LGR6: variants seen among roughly 807,000 people sequenced by gnomAD.
LGR6 encodes leucine-rich repeat-containing G protein-coupled receptor 6.
A neutral mutation model predicts 69.4 loss-of-function variants in LGR6; 45 were observed. That is an observed-to-expected ratio of 0.65 (90% CI 0.51 to 0.83). The LOEUF is 0.83. Ranked by LOEUF, LGR6 falls within the 40% of genes least tolerant of loss-of-function variation. The probability of loss-of-function intolerance (pLI) is 0.00; values close to 1 mark genes in which losing one functional copy is unlikely to be tolerated. For synonymous variants in LGR6, 538 were observed against 555.0 expected, an observed-to-expected ratio of 0.97 and a Z score of 0.43; for missense variants, 1,108 against 1,246.7, an observed-to-expected ratio of 0.89 and a Z score of 1.68.
In LGR6 at chr1:202,193,934, ATCGCGCCGTGCGT is replaced by A. The variant is rs1239514257; in HGVS notation, c.-55_-43del. ...GGACCGGGAGGAAGCAGCTGCGGCC[ATCGCGCCGTGCGT>A]CCGCGCCCGGCCGCCAGGTGCCCCA... is the stretch of plus-strand genomic sequence containing the variant. On this transcript the variant is annotated 5_prime_UTR_variant, in exon 1 of 18. Coordinates refer to ENST00000367278, the MANE Select transcript of LGR6 (RefSeq NM_001017403.2). The A allele has an allele frequency of 2.4e-5, 27 of 1,141,396 alleles. No homozygotes were observed. The African/African-American group carries it at 4.0e-4, about 17-fold the overall frequency. The allele number at this position is 1,141,396 out of a possible 1,614,324, so 70.7% of individuals were successfully genotyped here.
Position 202,318,875 on chromosome 1 carries a change from G to A in LGR6, c.2572G>A (p.Glu858Lys), listed in dbSNP as rs748942858. 1.9e-6 allele frequency: 3 copies of A among 1,613,972 alleles called. No individual in the cohort carries two copies. In the East Asian group the frequency reaches 6.7e-5, roughly 36 times the overall value. The change falls in exon 18 of 18, where the codon GAG (glutamate) becomes AAG (lysine). Residue 858 changes from glutamate (E) to lysine (K), a missense_variant. Transcript: ENST00000367278. The stretch of plus-strand genomic sequence containing the variant: ...GCCCCTAGCCTATGCTGCGGCCGGG[G>A]AGCTGGAGAAGAGCTCCTGTGATTC... ...SGPLAYAAAG[E>K]LEKSSCDSTQ...
intron 4 of LGR6, among the ~76,000 whole-genome samples, chr1:202,255,705 C>A (rs1355205149): frequency 1.3e-5 from 2 of 152,142 alleles, no homozygotes; most frequent in Non-Finnish European, 2.9e-5. Context: ...CACCCAGACA[C>A]AATGCTTGTT....
At chr1:202,293,649 A>G (rs772785303) in intron 6 of LGR6, among the ~76,000 whole-genome samples, 1 of 152,212 alleles carries the variant, frequency 6.6e-6, no homozygotes, top group Non-Finnish European at 1.5e-5. Flanking sequence ...CTGGACAATT[A>G]GAGCCACAGA....
At chr1:202,300,435 C>T (rs1667496810) in intron 7 of LGR6, among the ~76,000 whole-genome samples, 1 of 152,176 alleles carries the variant, frequency 6.6e-6, no homozygotes, top group South Asian at 2.1e-4. Context: ...AGGAGGATCA[C>T]TTTAGCCCAG....
chr1:202,270,120 T>G (rs1461549329), intron 4 of LGR6, among the ~76,000 whole-genome samples: 3 of 152,220 alleles, frequency 2.0e-5, no homozygotes, highest in Non-Finnish European at 2.9e-5. Context: ...GAGATATGCT[T>G]CTTGCATATC....
At chr1:202,265,611 G>A (rs569961420) in intron 4 of LGR6, among the ~76,000 whole-genome samples, 8 of 152,266 alleles carry the variant, frequency 5.3e-5, no homozygotes, top group South Asian at 2.1e-4. Context: ...AAAGAACACC[G>A]GACTCAAAAC....
At chr1:202,220,552 T>C (rs1041727638) in intron 1 of LGR6, among the ~76,000 whole-genome samples, 1 of 152,222 alleles carries the variant, frequency 6.6e-6, no homozygotes, top group African/African-American at 2.4e-5. Context: ...GCTAGTGTCA[T>C]TATTTCAATA....
chr1:202,220,176 G>A (rs1334534815), intron 1 of LGR6, among the ~76,000 whole-genome samples: 5 of 151,808 alleles, frequency 3.3e-5, no homozygotes, highest in African/African-American at 4.8e-5. Flanking sequence ...CACCGCGCCC[G>A]GCCAGCACTG....
chr1:202,316,343 C>A (rs530787659), intron 17 of LGR6, among the ~76,000 whole-genome samples: 118 of 152,266 alleles, frequency 7.7e-4, no homozygotes, highest in African/African-American at 2.7e-3. Flanking sequence ...AGAAGCCAGA[C>A]TCCCTTTAAC....
intron 4 of LGR6, among the ~76,000 whole-genome samples, chr1:202,270,603 G>T (rs537880384): frequency 1.1e-3 from 164 of 152,280 alleles, no homozygotes; most frequent in Non-Finnish European, 1.8e-3. Flanking sequence ...TATCTCTGTG[G>T]GCTTCAGGCT....
chr1:202,249,983 C>T (rs1663092865), intron 4 of LGR6, among the ~76,000 whole-genome samples: 1 of 152,234 alleles, frequency 6.6e-6, no homozygotes. Context: ...AGCCCAAACT[C>T]CTTGGCTAAT....
intron 6 of LGR6, among the ~76,000 whole-genome samples, chr1:202,288,079 AC>A (rs1035745580): frequency 1.3e-5 from 2 of 151,292 alleles, no homozygotes; most frequent in Admixed American, 6.6e-5. Context: ...CTCTGGTGTC[AC>A]CCCCTCCTCA....
chr1:202,226,318 G>A (rs557606107), intron 2 of LGR6, among the ~76,000 whole-genome samples: 1 of 152,142 alleles, frequency 6.6e-6, no homozygotes. Context: ...TGCGGCTCTA[G>A]AAATTTTGCT....
chr1:202,299,994 A>C (rs193097834), intron 7 of LGR6, among the ~76,000 whole-genome samples: 2 of 152,120 alleles, frequency 1.3e-5, no homozygotes, highest in African/African-American at 2.4e-5. Flanking sequence ...AGTGCCATCC[A>C]CAGTCATTCA....
At chr1:202,251,768 G>A (rs548244296) in intron 4 of LGR6, among the ~76,000 whole-genome samples, 1 of 152,302 alleles carries the variant, frequency 6.6e-6, no homozygotes, top group South Asian at 2.1e-4. Context: ...CTAACTGGGG[G>A]CCTGAAGGGC....
intron 6 of LGR6, among the ~76,000 whole-genome samples, chr1:202,283,632 G>A (rs1666182519): frequency 6.6e-6 from 1 of 152,188 alleles, no homozygotes; most frequent in African/African-American, 2.4e-5. Context: ...GCGGCCCCCA[G>A]CCATACCACC....
In LGR6 at chr1:202,242,091, C is replaced by T. The variant is rs140310785; in HGVS notation, c.428+6098C>T. Among the ~76,000 whole-genome samples the T allele has an allele frequency of 1.1e-3, 166 of 152,172 alleles. 1 individual carries two copies. The highest frequency in any genetic ancestry group is 2.7e-3 in the East Asian group (14 of 5,166). On this transcript the variant is annotated intron_variant, in intron 4 of 17. Coordinates refer to ENST00000367278, the MANE Select transcript of LGR6 (RefSeq NM_001017403.2). ...GGGGAAGGCAGCTGGGCTCAGGTGA[C>T]GTGGGAAGGAGGAGTGGCTCCCTCT... is the stretch of plus-strand genomic sequence containing the variant.
rs1316512557 is a variant in LGR6 at position 202,250,781 on chromosome 1, TG to T, written c.428+14789del. Reference sequence around the variant, plus strand: ...CACATAGTAGGCACTGAGTGATCTTTGCTTATAATTGTACATTTTAATGAAT... The same window carrying T: ...CACATAGTAGGCACTGAGTGATCTTTCTTATAATTGTACATTTTAATGAAT... On this transcript the variant is annotated intron_variant, in intron 4 of 17. Coordinates refer to ENST00000367278, the MANE Select transcript of LGR6 (RefSeq NM_001017403.2). Among the ~76,000 whole-genome samples the T allele has an allele frequency of 3.3e-5, 5 of 152,336 alleles. No homozygotes were observed. In the East Asian group the frequency reaches 7.7e-4, roughly 23 times the overall value.
At chr1:202,267,229 G>T (rs537207988) in intron 4 of LGR6, among the ~76,000 whole-genome samples, 2 of 152,280 alleles carry the variant, frequency 1.3e-5, no homozygotes, top group Admixed American at 1.3e-4. Context: ...AAGATGGAGG[G>T]ATGATGGATC....
Sources: gnomAD v4.1 joint callset for allele counts (sites outside exome capture counted in the v4.1 genomes callset) on GRCh38, gnomAD v4.1.1 for gene constraint, MANE v1.5 for transcripts, NCBI Gene and HGNC (gene_info 2026-07-23, HGNC 2026-07-21) for gene names.